PRICKLE1: variants seen among roughly 807,000 people sequenced by gnomAD.
PRICKLE1 encodes the protein prickle-like protein 1.
A neutral mutation model predicts 70.2 loss-of-function variants in PRICKLE1; 14 were observed. That is an observed-to-expected ratio of 0.20 (90% confidence interval 0.13 to 0.31). The LOEUF (loss-of-function observed/expected upper bound fraction) is 0.31, where lower values mean the gene tolerates loss of function less well. Among genes scored for constraint, PRICKLE1 ranks in the 10% least tolerant of loss-of-function variants. The probability of loss-of-function intolerance (pLI) is 1.00; values close to 1 mark genes in which losing one functional copy is unlikely to be tolerated. For synonymous variants in PRICKLE1, 357 were observed against 379.9 expected (o/e 0.94, Z 0.70); for missense variants, 821 against 1,026.2 (o/e 0.80, Z 2.73).
intron 1 of PRICKLE1, among the ~76,000 whole-genome samples, chr12:42,507,985 T>C (rs1379372325): frequency 6.6e-6 from 1 of 152,230 alleles, no homozygotes; most frequent in African/African-American, 2.4e-5. Context: ...GATTAATCCA[T>C]CAATTTGCCC....
At chr12:42,475,360 G>A (rs1450601478) in intron 1 of PRICKLE1, among the ~76,000 whole-genome samples, 1 of 152,180 alleles carries the variant, frequency 6.6e-6, no homozygotes, top group Non-Finnish European at 1.5e-5. Flanking sequence ...ACTGCATCAA[G>A]CAACCCACGG....
At chr12:42,544,679 T>C (rs763760080) in intron 1 of PRICKLE1, among the ~76,000 whole-genome samples, 1 of 152,216 alleles carries the variant, frequency 6.6e-6, no homozygotes, top group Non-Finnish European at 1.5e-5. Flanking sequence ...CTCTTAAAAA[T>C]TTTTATTTTT....
chr12:42,569,085 C>T (rs1940667655), intron 1 of PRICKLE1, among the ~76,000 whole-genome samples: 1 of 152,216 alleles, frequency 6.6e-6, no homozygotes, highest in South Asian at 2.1e-4. Flanking sequence ...ACTACTTTAT[C>T]TCTACATCTT....
intron 1 of PRICKLE1, among the ~76,000 whole-genome samples, chr12:42,581,709 T>C (rs1940903688): frequency 6.7e-6 from 1 of 149,436 alleles, no homozygotes; most frequent in African/African-American, 2.5e-5. Context: ...ATCATGCCAC[T>C]GCACTCCAGC....
At position 42,581,982 on chromosome 12, in the gene PRICKLE1, G is replaced by GA. The variant is rs557431115; in HGVS notation, c.-49+7482dup. ...GTTTCTGTGGGTAAGGAAGGGGAGG[G>GA]AAAAAAAAAGAGTGATTTTTCTGAT... is the stretch of plus-strand genomic sequence containing the variant. On this transcript the variant is annotated intron_variant, in intron 1 of 7. Coordinates refer to ENST00000345127, the MANE Select transcript of PRICKLE1 (RefSeq NM_153026.3). Among the ~76,000 whole-genome samples the GA allele has an allele frequency of 6.5e-4, 98 of 150,106 alleles. 1 individual carries two copies. The highest frequency in any genetic ancestry group is 4.1e-4 in the Non-Finnish European group (28 of 67,476).
intron 7 of PRICKLE1, 138 bp from the exon 8 acceptor site, chr12:42,460,803 A>C: frequency 1.1e-6 from 1 of 949,678 alleles, no homozygotes; most frequent in Non-Finnish European, 1.6e-6. Context: ...AGGGAAAGCC[A>C]ACATGTATCT....
chr12:42,549,400 A>G (rs926724783), intron 1 of PRICKLE1, among the ~76,000 whole-genome samples: 2 of 152,202 alleles, frequency 1.3e-5, no homozygotes, highest in Non-Finnish European at 2.9e-5. Context: ...CTGTTGTTAA[A>G]CTTATCTTGA....
intron 1 of PRICKLE1, among the ~76,000 whole-genome samples, chr12:42,520,040 G>T (rs1483634732): frequency 5.9e-5 from 9 of 152,132 alleles, no homozygotes; most frequent in African/African-American, 2.2e-4. Context: ...TTCTGATAAG[G>T]CATGCCTTCC....
At chr12:42,513,934 T>C (rs1235339091) in intron 1 of PRICKLE1, among the ~76,000 whole-genome samples, 2 of 151,854 alleles carry the variant, frequency 1.3e-5, no homozygotes, top group African/African-American at 4.8e-5. Flanking sequence ...GAGGCGGAGG[T>C]TACAGTGAGC....
Position 42,589,134 on chromosome 12 carries a change from C to T in PRICKLE1, c.-49+331G>A, listed in dbSNP as rs1175393475. The T allele has an allele frequency of 1.3e-5, 2 of 152,304 alleles. No homozygotes were observed. 9.4% of individuals were successfully genotyped at this position (152,304 alleles called of 1,614,324 possible). A position where few individuals can be genotyped will look rare whatever the true frequency, so the allele number is the denominator to read the frequency against. ...CGCACCCTCGCCTCCCGGCGCCCCG[C>T]ATCGCCTCGACCCTCGGGCTACAGA... On this transcript the variant is annotated intron_variant, in intron 1 of 7. Coordinates refer to ENST00000345127, the MANE Select transcript of PRICKLE1 (RefSeq NM_153026.3). This position sits in a 1 kb window ranked among gnomAD's most constrained non-coding sequence, Gnocchi z 5.0.
At chr12:42,528,349 T>C (rs1009947532) in intron 1 of PRICKLE1, among the ~76,000 whole-genome samples, 13 of 152,112 alleles carry the variant, frequency 8.5e-5, no homozygotes, top group African/African-American at 3.1e-4. Context: ...GCTGGGATAA[T>C]AGGCTTGAGC....
At chr12:42,561,768 T>C (rs1005922776) in intron 1 of PRICKLE1, among the ~76,000 whole-genome samples, 2 of 152,134 alleles carry the variant, frequency 1.3e-5, no homozygotes, top group South Asian at 2.1e-4. Flanking sequence ...CTATGAAAAG[T>C]CATGTCTAAG....
intron 1 of PRICKLE1, among the ~76,000 whole-genome samples, chr12:42,524,598 G>T (rs1939769677): frequency 6.6e-6 from 1 of 151,920 alleles, no homozygotes; most frequent in African/African-American, 2.4e-5. Context: ...TTTTAGTAGA[G>T]ATGGGGGTTC....
intron 1 of PRICKLE1, among the ~76,000 whole-genome samples, chr12:42,511,483 A>G (rs1939511526): frequency 6.6e-6 from 1 of 152,254 alleles, no homozygotes; most frequent in South Asian, 2.1e-4. Flanking sequence ...AACAGAAAGT[A>G]GTATTTATTG....
rs997899927 is a variant in PRICKLE1 at position 42,459,062 on chromosome 12, A to G, written c.*747T>C. 6.7e-6 allele frequency: 3 copies of G among 446,154 alleles called. No individual in the cohort carries two copies. In the East Asian group the frequency reaches 9.8e-5, roughly 15 times the overall value. 27.6% of individuals were successfully genotyped at this position (446,154 alleles called of 1,614,324 possible). A position where few individuals can be genotyped will look rare whatever the true frequency, so the allele number is the denominator to read the frequency against. On this transcript the variant is annotated 3_prime_UTR_variant, in exon 8 of 8. Transcript: ENST00000345127. ...TATAAACCCTGACTAAAATATAAGC[A>G]ATCAGTTCATCCATAAATTCTGGTT...
intron 1 of PRICKLE1, among the ~76,000 whole-genome samples, chr12:42,499,339 C>T (rs1298725742): frequency 3.9e-5 from 6 of 152,108 alleles, no homozygotes; most frequent in African/African-American, 1.4e-4. Flanking sequence ...TAAAGTAGAG[C>T]TTCCTATAAA....
chr12:42,565,125 C>T lies in PRICKLE1; in HGVS notation c.-49+24340G>A, dbSNP rs1265707693. Among the ~76,000 whole-genome samples the T allele has an allele frequency of 1.3e-5, 2 of 152,132 alleles. 1 individual carries two copies. The highest frequency in any genetic ancestry group is 2.9e-5 in the Non-Finnish European group (2 of 68,034). ...AAATCTAAGTTGCCTGTGGAAATTC[C>T]CAGAGTTCTGGGAGCAGCAGCTCTC... is the stretch of plus-strand genomic sequence containing the variant. On this transcript the variant is annotated intron_variant, in intron 1 of 7. Transcript: ENST00000345127.
intron 1 of PRICKLE1, among the ~76,000 whole-genome samples, chr12:42,498,251 C>A (rs1052703781): frequency 2.0e-5 from 3 of 151,304 alleles, no homozygotes; most frequent in Non-Finnish European, 1.5e-5. Flanking sequence ...TGGCTCACTG[C>A]AGCCTCGACC....
At chr12:42,479,308 C>G (rs1938700846) in intron 1 of PRICKLE1, among the ~76,000 whole-genome samples, 1 of 152,192 alleles carries the variant, frequency 6.6e-6, no homozygotes, top group South Asian at 2.1e-4. Context: ...ACAATTTTGC[C>G]AAGTTATTGA....
Sources: allele counts gnomAD v4.1 joint callset (sites outside exome capture counted in the v4.1 genomes callset), GRCh38; gene constraint gnomAD v4.1.1; non-coding constraint Gnocchi (gnomAD v3.1); transcripts MANE v1.5; gene names NCBI Gene and HGNC (gene_info 2026-07-23, HGNC 2026-07-21).